LCLAT1: variants seen among roughly 807,000 people sequenced by gnomAD.
LCLAT1 encodes the protein 1-AGP acyltransferase 8.
A neutral mutation model predicts 30.7 loss-of-function variants in LCLAT1; 11 were observed. That is an observed-to-expected ratio of 0.36 (90% CI 0.23 to 0.59). The LOEUF (loss-of-function observed/expected upper bound fraction) is 0.59, where lower values mean the gene tolerates loss of function less well. LCLAT1 is among the 20% of genes least tolerant of loss of function. The pLI is 0.77. For synonymous variants in LCLAT1, 155 were observed against 151.3 expected (o/e 1.02, Z -0.18); for missense variants, 402 against 458.6 (o/e 0.88, Z 1.13).
chr2:30,570,603 G>A (rs1018152120), intron 5 of LCLAT1, among the ~76,000 whole-genome samples: 1 of 152,184 alleles, frequency 6.6e-6, no homozygotes, highest in African/African-American at 2.4e-5. Context: ...AATAGCTCTT[G>A]TTCTTTCTAC....
At chr2:30,600,240 A>G (rs912548062) in intron 5 of LCLAT1, among the ~76,000 whole-genome samples, 1 of 152,220 alleles carries the variant, frequency 6.6e-6, no homozygotes, top group Non-Finnish European at 1.5e-5. Context: ...CTACATGGAA[A>G]TTGAACAACT....
chr2:30,471,123 A>T (rs1473030218), intron 1 of LCLAT1, among the ~76,000 whole-genome samples: 8 of 151,970 alleles, frequency 5.3e-5, no homozygotes, highest in Admixed American at 2.0e-4. Flanking sequence ...CATTTTGGCC[A>T]TGCTGATCTT....
chr2:30,537,040 A>T (rs1263869915), intron 3 of LCLAT1, among the ~76,000 whole-genome samples: 1 of 152,242 alleles, frequency 6.6e-6, no homozygotes, highest in Non-Finnish European at 1.5e-5. Context: ...TTCTATGCAC[A>T]TGGAAACCAA....
chr2:30,463,492 CCCCTCT>C (rs1312231794), intron 1 of LCLAT1, among the ~76,000 whole-genome samples: 3 of 152,150 alleles, frequency 2.0e-5, no homozygotes, highest in Admixed American at 1.3e-4. Context: ...GTATAGTCAG[CCCCTCT>C]GTATCCACAG....
At position 30,521,489 on chromosome 2, in the gene LCLAT1, C is replaced by CTTTTTT. The variant is rs1262784785; in HGVS notation, c.-4-4096_-4-4095insTTTTTT. ...GTTTCCTCAACCCCCTAAACTACTT[C>CTTTTTT]TTCTTTTTTTTTTTTTTTTTTTTTT... On this transcript the variant is annotated intron_variant, in intron 1 of 5. Coordinates refer to ENST00000379509, the MANE Select transcript of LCLAT1 (RefSeq NM_001002257.3). Among the ~76,000 whole-genome samples, 50 of 55,556 alleles carry CTTTTTT rather than the reference C, an allele frequency of 9.0e-4. 3 individuals carry two copies. The highest frequency in any genetic ancestry group is 1.7e-3 in the East Asian group (3 of 1,750). 36.4% of individuals were successfully genotyped at this position (55,556 alleles called of 152,430 possible).
At chr2:30,467,202 T>A (rs895862755) in intron 1 of LCLAT1, among the ~76,000 whole-genome samples, 1 of 152,186 alleles carries the variant, frequency 6.6e-6, no homozygotes, top group Non-Finnish European at 1.5e-5. Context: ...TGGTTTTTTG[T>A]CCTTGCAATA....
At chr2:30,471,053 C>G (rs1222071522) in intron 1 of LCLAT1, among the ~76,000 whole-genome samples, 39 of 150,254 alleles carry the variant, frequency 2.6e-4, no homozygotes, top group African/African-American at 9.3e-4. Context: ...GCTGGGATTA[C>G]AGGCGCCCAC....
chr2:30,557,283 CGTGTGTGTGTGTGTGTGTGTGTGT>C (rs373793652), intron 3 of LCLAT1, among the ~76,000 whole-genome samples: 1 of 138,562 alleles, frequency 7.2e-6, no homozygotes. Flanking sequence ...AAGGTATGAT[CGTGTGTGTGTGTGTGTGTGTGTGT>C]GTGTGTGTGT....
intron 1 of LCLAT1, among the ~76,000 whole-genome samples, chr2:30,473,830 C>G (rs1415173736): frequency 1.3e-5 from 2 of 152,106 alleles, no homozygotes; most frequent in Admixed American, 6.5e-5. Flanking sequence ...AACCTGGTTT[C>G]CTAGTTTTAT....
chr2:30,479,237 G>GTT (rs538659392), intron 1 of LCLAT1, among the ~76,000 whole-genome samples: 2 of 147,472 alleles, frequency 1.4e-5, no homozygotes, highest in Non-Finnish European at 1.5e-5. Flanking sequence ...ATTTTCTTTG[G>GTT]TTTTTTTTTT....
chr2:30,464,974 A>G lies in LCLAT1; in HGVS notation c.-5+17591A>G, dbSNP rs186288908. Among the ~76,000 whole-genome samples the G allele has an allele frequency of 4.4e-3, 670 of 152,152 alleles. 3 individuals carry two copies. The highest frequency in any genetic ancestry group is 5.7e-3 in the Non-Finnish European group (390 of 68,012). On this transcript the variant is annotated intron_variant, in intron 1 of 5. Coordinates refer to ENST00000379509, the MANE Select transcript of LCLAT1 (RefSeq NM_001002257.3). ...GAGCTCAAGCAGTCTGCCCACAAAGAGCTGGGATTACAGGCATGAGCCACC... is the reference window on the plus strand; with the variant it reads ...GAGCTCAAGCAGTCTGCCCACAAAGGGCTGGGATTACAGGCATGAGCCACC...
chr2:30,586,165 A>G (rs1158366594), intron 5 of LCLAT1, among the ~76,000 whole-genome samples: 1 of 144,598 alleles, frequency 6.9e-6, no homozygotes, highest in East Asian at 2.1e-4. Flanking sequence ...AATGGCGTCA[A>G]CCCGGGAGGC....
At chr2:30,451,839 C>G (rs936678032) in intron 1 of LCLAT1, among the ~76,000 whole-genome samples, 9 of 150,506 alleles carry the variant, frequency 6.0e-5, no homozygotes, top group Admixed American at 3.3e-4. Flanking sequence ...CACTGCAGAA[C>G]CAGTTGTACA....
intron 3 of LCLAT1, among the ~76,000 whole-genome samples, chr2:30,560,283 GGTGTGTGTGTGTGTGTGTGTGTGTGT>G (rs57326977): frequency 6.9e-6 from 1 of 144,474 alleles, no homozygotes; most frequent in Non-Finnish European, 1.5e-5. Flanking sequence ...AATAAAGTGT[GGTGTGTGTGTGTGTGTGTGTGTGTGT>G]GTGTGTGTGT....
chr2:30,625,272 A>T (rs1668449501), intron 5 of LCLAT1, among the ~76,000 whole-genome samples: 1 of 152,218 alleles, frequency 6.6e-6, no homozygotes, highest in African/African-American at 2.4e-5. Flanking sequence ...AACACAAAAT[A>T]CAAAAGATAA....
chr2:30,595,183 C>G (rs1192570537), intron 5 of LCLAT1, among the ~76,000 whole-genome samples: 1 of 152,104 alleles, frequency 6.6e-6, no homozygotes, highest in Non-Finnish European at 1.5e-5. Flanking sequence ...TCTCTTACCT[C>G]TTTTCTTTCT....
At chr2:30,528,501 G>T (rs2148389166) in intron 2 of LCLAT1, among the ~76,000 whole-genome samples, 1 of 152,270 alleles carries the variant, frequency 6.6e-6, no homozygotes, top group African/African-American at 2.4e-5. Flanking sequence ...TCTCTGCTGA[G>T]TGTGATTCTT....
chr2:30,566,177 A>G (rs1665476582), intron 4 of LCLAT1, among the ~76,000 whole-genome samples: 1 of 152,108 alleles, frequency 6.6e-6, no homozygotes, highest in Non-Finnish European at 1.5e-5. Flanking sequence ...ATTTCTGATC[A>G]TTTTTACCGT....
At chr2:30,523,757 A>G (rs1685584417) in intron 1 of LCLAT1, among the ~76,000 whole-genome samples, 1 of 151,952 alleles carries the variant, frequency 6.6e-6, no homozygotes, top group Non-Finnish European at 1.5e-5. Context: ...AATCCTGGCT[A>G]CTCCGGAGGC....
Sources: gnomAD v4.1 joint callset for allele counts (sites outside exome capture counted in the v4.1 genomes callset) on GRCh38, gnomAD v4.1.1 for gene constraint, MANE v1.5 for transcripts, NCBI Gene and HGNC (gene_info 2026-07-23, HGNC 2026-07-21) for gene names.